ATL3: variants seen among roughly 807,000 people sequenced by gnomAD.
The protein encoded by ATL3 is atlastin-3.
A neutral mutation model predicts 69.5 loss-of-function variants in ATL3; 49 were observed. That is an observed-to-expected ratio of 0.71 (90% confidence interval 0.56 to 0.89). The LOEUF (loss-of-function observed/expected upper bound fraction) is 0.89. Ranked by LOEUF, ATL3 falls within the 40% of genes least tolerant of loss-of-function variation. ATL3 has a pLI of 0.00. For missense variants in ATL3, 606 were observed against 645.7 expected, an observed-to-expected ratio of 0.94 and a Z score of 0.67; for synonymous variants, 214 against 224.1, an observed-to-expected ratio of 0.95 and a Z score of 0.40.
At position 63,659,148 on chromosome 11, in the gene ATL3, A is replaced by C; in HGVS notation, c.151T>G (p.Leu51Val). The change falls in exon 2 of 13, where the codon TTG (leucine) becomes GTG (valine). Residue 51 changes from leucine (L) to valine (V), a missense_variant. By Grantham distance (32) the Leu-to-Val change is conservative. Coordinates refer to ENST00000398868, the MANE Select transcript of ATL3 (RefSeq NM_015459.5). Reference protein sequence around the residue: ...LDEKALASILLQDHIRDLDVV... With the variant: ...LDEKALASILVQDHIRDLDVV... The stretch of plus-strand genomic sequence containing the variant: ...TCAAGATCTCGGATGTGGTCCTGCA[A>C]GAGGATGCTGGCCAAGGCTTTCTCA... The C allele has an allele frequency of 6.2e-7, 1 of 1,614,138 alleles. No individual in the cohort carries two copies. The highest frequency in any genetic ancestry group is 8.5e-7 in the Non-Finnish European group (1 of 1,180,034).
In ATL3 at chr11:63,631,426, C is replaced by T; in HGVS notation, c.1153G>A (p.Glu385Lys). The T allele has an allele frequency of 6.2e-7, 1 of 1,613,688 alleles. No individual in the cohort carries two copies. The highest frequency in any genetic ancestry group is 8.5e-7 in the Non-Finnish European group (1 of 1,179,816). ...KPYLSPDILEEKHCEFKQLAL... is the reference protein window; with the variant it reads ...KPYLSPDILEKKHCEFKQLAL... The stretch of plus-strand genomic sequence containing the variant: ...AGTTGTTTGAATTCACAGTGCTTCT[C>T]CTCTAGAATGTCTGGAGACAAATAA... The change falls in exon 12 of 13, where the codon GAG (glutamate) becomes AAG (lysine). Residue 385 changes from glutamate (E) to lysine (K), a missense_variant. By Grantham distance (56) the Glu-to-Lys change is moderately conservative (BLOSUM62 1). Transcript: ENST00000398868.
intron 1 of ATL3, among the ~76,000 whole-genome samples, chr11:63,664,675 T>C (rs1465191950): frequency 3.4e-5 from 5 of 148,664 alleles, no homozygotes; most frequent in African/African-American, 1.2e-4. Flanking sequence ...CAGGCTGGAG[T>C]GCAGTGGCGC....
At chr11:63,660,367 TA>T (rs1940384466) in intron 1 of ATL3, among the ~76,000 whole-genome samples, 1 of 152,116 alleles carries the variant, frequency 6.6e-6, no homozygotes, top group Non-Finnish European at 1.5e-5. Context: ...AAAACCACAA[TA>T]AGATACCACT....
chr11:63,624,188 T>TTTAAA lies in ATL3; in HGVS notation c.*5126_*5130dup, dbSNP rs1326865926. On this transcript the variant is annotated 3_prime_UTR_variant, in exon 13 of 13. Transcript: ENST00000398868. ...AGCATAATCTCATCCCATTGCACTT[T>TTTAAA]TTAAAAACTATATTAAGTTTCAAAG... 1 of 152,190 alleles carries TTTAAA rather than the reference T, an allele frequency of 6.6e-6. No individual in the cohort carries two copies. The highest frequency in any genetic ancestry group is 1.5e-5 in the Non-Finnish European group (1 of 68,038). 9.4% of individuals were successfully genotyped at this position (152,190 alleles called of 1,614,324 possible). A position where few individuals can be genotyped will look rare whatever the true frequency, so the allele number is the denominator to read the frequency against.
At chr11:63,644,774 T>C (rs997370517) in intron 6 of ATL3, among the ~76,000 whole-genome samples, 3 of 152,212 alleles carry the variant, frequency 2.0e-5, no homozygotes, top group African/African-American at 2.4e-5. Context: ...CAATATATCC[T>C]ATCTGCTATT....
intron 5 of ATL3, among the ~76,000 whole-genome samples, chr11:63,650,309 G>A (rs1940031276): frequency 6.6e-6 from 1 of 152,094 alleles, no homozygotes; most frequent in African/African-American, 2.4e-5. Flanking sequence ...ATACAATTCT[G>A]AAGTGCTCCA....
At chr11:63,635,068 A>G (rs1042904742) in intron 10 of ATL3, among the ~76,000 whole-genome samples, 3 of 152,146 alleles carry the variant, frequency 2.0e-5, no homozygotes, top group Non-Finnish European at 4.4e-5. Flanking sequence ...AGGCTGAGGT[A>G]TAAGAATCAC....
At chr11:63,642,935 C>T (rs1333210128) in intron 8 of ATL3, among the ~76,000 whole-genome samples, 1 of 152,214 alleles carries the variant, frequency 6.6e-6, no homozygotes, top group Non-Finnish European at 1.5e-5. Flanking sequence ...GTTAGCACTT[C>T]CTGATATTAG....
At chr11:63,669,948 C>CAA (rs200836821) in intron 1 of ATL3, among the ~76,000 whole-genome samples, 21 of 149,612 alleles carry the variant, frequency 1.4e-4, no homozygotes, top group African/African-American at 4.2e-4. Context: ...AACTCCGTCT[C>CAA]AAAAAAAAAT....
chr11:63,637,790 T>C (rs1305326504), intron 8 of ATL3: 1 of 152,110 alleles, frequency 6.6e-6, no homozygotes, highest in African/African-American at 2.4e-5. Context: ...CAGACTATAA[T>C]ATGAAAAATG....
At chr11:63,663,118 C>T (rs1358720989) in intron 1 of ATL3, among the ~76,000 whole-genome samples, 1 of 151,670 alleles carries the variant, frequency 6.6e-6, no homozygotes, top group Non-Finnish European at 1.5e-5. Flanking sequence ...AAGGGTTCTT[C>T]GCACTTTTTT....
At chr11:63,671,570 G>A, upstream of ATL3, 1 of 1,425,368 alleles carries the variant, frequency 7.0e-7, no homozygotes, top group Non-Finnish European at 9.2e-7. Context: ...AGGCGGGGCG[G>A]GAAAGCGCAC....
Position 63,656,838 on chromosome 11 carries a change from T to C in ATL3, c.405+1923A>G, listed in dbSNP as rs138195530. Among the ~76,000 whole-genome samples the C allele has an allele frequency of 8.0e-4, 122 of 152,120 alleles. 2 individuals are homozygous for C. In the East Asian group the frequency reaches 0.023, roughly 29 times the overall value. On this transcript the variant is annotated intron_variant, in intron 3 of 12. Transcript: ENST00000398868. The stretch of plus-strand genomic sequence containing the variant: ...GAACTCTACACTAAGAGTAAATATT[T>C]TCCAAAACAAAGGCAAAATAAAGAT...
chr11:63,666,064 T>G (rs1037608531), intron 1 of ATL3, among the ~76,000 whole-genome samples: 3 of 152,114 alleles, frequency 2.0e-5, no homozygotes, highest in Admixed American at 6.6e-5. Flanking sequence ...CACTGCAGCC[T>G]CAACCTACCG....
At chr11:63,655,222 C>A (rs1940203118) in intron 3 of ATL3, among the ~76,000 whole-genome samples, 1 of 152,298 alleles carries the variant, frequency 6.6e-6, no homozygotes, top group East Asian at 1.9e-4. Flanking sequence ...TCTTCCTAAT[C>A]CCACTGCAAT....
At position 63,627,452 on chromosome 11, in the gene ATL3, T is replaced by G. The variant is rs989862554; in HGVS notation, c.*1867A>C. The G allele has an allele frequency of 6.6e-6, 1 of 152,200 alleles. No individual in the cohort carries two copies. 9.4% of individuals were successfully genotyped at this position (152,200 alleles called of 1,614,324 possible). ...GCGAATTTAGGACTTACAAAAATAC[T>G]TCAGTGGTAAAGTGTCAAAAGAAAA... is the stretch of plus-strand genomic sequence containing the variant. On this transcript the variant is annotated 3_prime_UTR_variant, in exon 13 of 13. Transcript: ENST00000398868.
intron 3 of ATL3, 113 bp from the exon 4 acceptor site, chr11:63,652,688 G>A (rs1037325347): frequency 9.2e-6 from 6 of 652,178 alleles, no homozygotes; most frequent in African/African-American, 9.1e-5. Flanking sequence ...ATGTTTATGT[G>A]AGCCTTAAGC....
At chr11:63,658,135 C>T (rs981335817) in intron 3 of ATL3, among the ~76,000 whole-genome samples, 7 of 152,124 alleles carry the variant, frequency 4.6e-5, no homozygotes, top group African/African-American at 9.7e-5. Context: ...GTATTACAGA[C>T]GTGAGCCACA....
At chr11:63,644,367 A>ACATAC in intron 6 of ATL3, 106 bp from the exon 7 acceptor site, 7 of 596,604 alleles carry the variant, frequency 1.2e-5, no homozygotes, top group African/African-American at 2.5e-5. Context: ...AAGGGGGTAA[A>ACATAC]GTAGAAGGAT....
Sources: allele counts gnomAD v4.1 joint callset (sites outside exome capture counted in the v4.1 genomes callset), GRCh38; gene constraint gnomAD v4.1.1; transcripts MANE v1.5; gene names NCBI Gene and HGNC (gene_info 2026-07-23, HGNC 2026-07-21).